Variants in PIK3C2G observed in about 807,000 individuals in gnomAD.
The protein encoded by PIK3C2G is phosphatidylinositol-4-phosphate 3-kinase catalytic subunit type 2 gamma, also known as phosphatidylinositol 3-kinase C2 domain-containing subunit gamma.
In PIK3C2G, 168 loss-of-function variants were observed where a neutral mutation model predicts 181.1. That is an observed-to-expected ratio of 0.93 (90% CI 0.82 to 1.05). PIK3C2G has a LOEUF of 1.05. PIK3C2G is among the 50% of genes least tolerant of loss of function. The probability of loss-of-function intolerance (pLI) is 0.00; values close to 1 mark genes in which losing one functional copy is unlikely to be tolerated. For synonymous variants in PIK3C2G, 573 were observed against 592.2 expected, an observed-to-expected ratio of 0.97 and a Z score of 0.47; for missense variants, 1,869 against 1,732.8, an observed-to-expected ratio of 1.08 and a Z score of -1.40.
At chr12:18,538,869 G>A (rs1218890339) in intron 25 of PIK3C2G, among the ~76,000 whole-genome samples, 1 of 151,912 alleles carries the variant, frequency 6.6e-6, no homozygotes, top group East Asian at 1.9e-4. Context: ...GTGACCAACA[G>A]GGGAAAATTT....
chr12:18,669,847 A>G, the PIK3C2G span, among the ~76,000 whole-genome samples: 1 of 151,944 alleles, frequency 6.6e-6, no homozygotes, highest in African/African-American at 2.4e-5. Context: ...TTGTTTGCTC[A>G]TTTAGCAGAG....
Position 18,358,710 on chromosome 12 carries a change from A to T in PIK3C2G, c.1626-4054A>T, listed in dbSNP as rs1190391404. The stretch of plus-strand genomic sequence containing the variant: ...CATCTCTTCCAGGAACCAAAGAAAG[A>T]GCTTCAGCCTTGATTCTCATGACTT... On this transcript the variant is annotated intron_variant, in intron 11 of 32. Transcript: ENST00000538779. The T allele has an allele frequency of 1.3e-5, 6 of 463,960 alleles. No homozygotes were observed. The East Asian group carries it at 3.4e-4, about 26-fold the overall frequency. 28.7% of individuals were successfully genotyped at this position (463,960 alleles called of 1,614,324 possible).
chr12:18,474,563 TAC>T (rs1483260800), intron 18 of PIK3C2G, among the ~76,000 whole-genome samples: 1 of 152,090 alleles, frequency 6.6e-6, no homozygotes, highest in Non-Finnish European at 1.5e-5. Flanking sequence ...AAAAAATCAT[TAC>T]AAAGTAATTA....
intron 16 of PIK3C2G, among the ~76,000 whole-genome samples, chr12:18,410,510 G>GAAAAAAAAA (rs1184793762): frequency 2.3e-5 from 2 of 85,414 alleles, no homozygotes; most frequent in African/African-American, 8.3e-5. Flanking sequence ...ATCTCAGAAA[G>GAAAAAAAAA]AAAAAAAAAA....
chr12:18,373,695 CA>C (rs911970885), intron 13 of PIK3C2G, among the ~76,000 whole-genome samples: 27 of 151,656 alleles, frequency 1.8e-4, no homozygotes, highest in South Asian at 2.1e-4. Flanking sequence ...TAAAAAAATA[CA>C]AAAAAAATTA....
intron 24 of PIK3C2G, among the ~76,000 whole-genome samples, chr12:18,515,256 A>G (rs1942459955): frequency 6.6e-6 from 1 of 151,982 alleles, no homozygotes; most frequent in African/African-American, 2.4e-5. Context: ...TGAGTTTGGA[A>G]TGATTCTCCG....
chr12:18,401,075 C>T (rs1281360451), intron 16 of PIK3C2G, among the ~76,000 whole-genome samples: 1 of 151,998 alleles, frequency 6.6e-6, no homozygotes, highest in Non-Finnish European at 1.5e-5. Flanking sequence ...TATTTTCACT[C>T]ACATCTGACT....
At chr12:18,474,969 C>G (rs1363755400) in intron 18 of PIK3C2G, among the ~76,000 whole-genome samples, 1 of 152,016 alleles carries the variant, frequency 6.6e-6, no homozygotes, top group Non-Finnish European at 1.5e-5. Flanking sequence ...CTGATGATTT[C>G]AGAGACAGAG....
chr12:18,423,795 C>G lies in PIK3C2G; in HGVS notation c.2410-150C>G, dbSNP rs555813308. The G allele has an allele frequency of 5.6e-5, 34 of 607,874 alleles. No individual in the cohort carries two copies. In the South Asian group the frequency reaches 6.3e-4, roughly 11 times the overall value. 37.7% of individuals were successfully genotyped at this position (607,874 alleles called of 1,614,324 possible). ...TATGTGTTTTGTTATTAGTCATATA[C>G]CGACTCATAAAATCATCGAATGTGT... On this transcript the variant is annotated intron_variant, in intron 17 of 32. Transcript: ENST00000538779.
chr12:18,490,912 T>G (rs1479470374), intron 19 of PIK3C2G, among the ~76,000 whole-genome samples: 2 of 152,182 alleles, frequency 1.3e-5, no homozygotes, highest in Non-Finnish European at 2.9e-5. Flanking sequence ...AGAAATATAC[T>G]CATTGATGTC....
At chr12:18,559,946 C>A (rs576962076) in intron 26 of PIK3C2G, among the ~76,000 whole-genome samples, 123 of 149,670 alleles carry the variant, frequency 8.2e-4, no homozygotes, top group African/African-American at 2.9e-3. Context: ...CAGATCCAAG[C>A]AATTCTCCTG....
At chr12:18,592,296 A>T (rs1947125094) in intron 29 of PIK3C2G, among the ~76,000 whole-genome samples, 1 of 151,882 alleles carries the variant, frequency 6.6e-6, no homozygotes, top group Non-Finnish European at 1.5e-5. Flanking sequence ...AATCACAAGC[A>T]AAAGGAAAAG....
chr12:18,704,157 G>A, the PIK3C2G span, among the ~76,000 whole-genome samples: 1 of 152,084 alleles, frequency 6.6e-6, no homozygotes, highest in Non-Finnish European at 1.5e-5. Flanking sequence ...ATGTTAATGA[G>A]AGGACAACCA....
intron 8 of PIK3C2G, among the ~76,000 whole-genome samples, chr12:18,329,628 A>G (rs558450129): frequency 6.6e-6 from 1 of 152,088 alleles, no homozygotes; most frequent in South Asian, 2.1e-4. Flanking sequence ...ATTGTTGTGT[A>G]ATAATTCCAT....
At chr12:18,255,503 T>C (rs1310262207) in intron 1 of PIK3C2G, among the ~76,000 whole-genome samples, 2 of 152,200 alleles carry the variant, frequency 1.3e-5, no homozygotes, top group African/African-American at 2.4e-5. Flanking sequence ...TGAGAACCTA[T>C]AATACAGCTT....
Position 18,399,756 on chromosome 12 carries a change from T to C in PIK3C2G, c.2224T>C (p.Trp742Arg). ...LPLVLGSAPGWDERTVSEMHT... is the reference protein window; with the variant it reads ...LPLVLGSAPGRDERTVSEMHT... ...TTTAGTCCTGGGTAGTGCCCCTGGATGGGATGAAAGGACTGTTTCAGAAAT... is the reference window on the plus strand; with the variant it reads ...TTTAGTCCTGGGTAGTGCCCCTGGACGGGATGAAAGGACTGTTTCAGAAAT... Residue 742 changes from tryptophan to arginine, a missense_variant, in exon 16 of 33, where the codon TGG becomes CGG. Coordinates refer to ENST00000538779, the MANE Select transcript of PIK3C2G (RefSeq NM_001288772.2). 6.2e-7 allele frequency: 1 copy of C among 1,606,648 alleles called. No homozygotes were observed. The highest frequency in any genetic ancestry group is 8.5e-7 in the Non-Finnish European group (1 of 1,174,588).
intron 15 of PIK3C2G, among the ~76,000 whole-genome samples, chr12:18,393,585 C>T (rs533292123): frequency 6.6e-6 from 1 of 152,108 alleles, no homozygotes; most frequent in South Asian, 2.1e-4. Flanking sequence ...CTAAAGACCC[C>T]AGAATGAAAT....
chr12:18,546,328 G>T lies in PIK3C2G; in HGVS notation c.3486G>T (p.Leu1162=), dbSNP rs1489696913. The part of the protein sequence containing the change: ...QLLLNLLEMM[L]YAGLPELSGI... ...TTGTTCTTGTTGTGGTTAAGATGCT[G>T]TATGCAGGACTGCCTGAGCTAAGTG... Residue 1162 remains leucine, a synonymous_variant, in exon 26 of 33, where the codon CTG becomes CTT. Transcript: ENST00000538779. 6.4e-7 allele frequency: 1 copy of T among 1,560,252 alleles called. No homozygotes were observed. Among genetic ancestry groups the T allele is most frequent in the South Asian group, 1.1e-5 (1 of 87,140 alleles).
chr12:18,425,495 G>A (rs995737924), intron 18 of PIK3C2G, among the ~76,000 whole-genome samples: 12 of 144,306 alleles, frequency 8.3e-5, no homozygotes, highest in South Asian at 2.2e-4. Flanking sequence ...TGGTTCAAGC[G>A]ATTCTTCTGC....
Sources: gnomAD v4.1 joint callset for allele counts (sites outside exome capture counted in the v4.1 genomes callset) on GRCh38, gnomAD v4.1.1 for gene constraint, MANE v1.5 for transcripts, NCBI Gene and HGNC (gene_info 2026-07-23, HGNC 2026-07-21) for gene names.